IMMP2L: variants seen among roughly 807,000 people sequenced by gnomAD.
The protein encoded by IMMP2L is inner mitochondrial membrane peptidase subunit 2.
IMMP2L carries 18 observed loss-of-function variants against 19.3 expected under a neutral mutation model. That is an observed-to-expected ratio of 0.93 (90% CI 0.64 to 1.38). The LOEUF (loss-of-function observed/expected upper bound fraction) is 1.38. Ranked by LOEUF, IMMP2L falls within the 40% of genes most tolerant of loss-of-function variation. The pLI, the probability that IMMP2L is intolerant of heterozygous loss-of-function variation, is 0.00. For synonymous variants in IMMP2L, 76 were observed against 73.0 expected (o/e 1.04, Z -0.21); for missense variants, 233 against 218.2 (o/e 1.07, Z -0.43).
chr7:110,771,656 G>A (rs186869501), intron 5 of IMMP2L, among the ~76,000 whole-genome samples: 1 of 152,128 alleles, frequency 6.6e-6, no homozygotes, highest in Non-Finnish European at 1.5e-5. Context: ...CATATTAAAT[G>A]TTAACTAAAC....
chr7:111,308,156 GCTAAAAAGTAAATATAATGT>G (rs2130194896), intron 3 of IMMP2L, among the ~76,000 whole-genome samples: 2 of 151,932 alleles, frequency 1.3e-5, no homozygotes, highest in Non-Finnish European at 2.9e-5. Flanking sequence ...AAAATCCCAG[GCTAAAAAGTAAATATAATGT>G]CTACACTGGC....
At chr7:111,276,668 C>T (rs1257330842) in intron 3 of IMMP2L, among the ~76,000 whole-genome samples, 38 of 144,388 alleles carry the variant, frequency 2.6e-4, no homozygotes, top group African/African-American at 9.4e-4. Flanking sequence ...CCAAAGTAAT[C>T]CTAAGGGGAA....
intron 3 of IMMP2L, among the ~76,000 whole-genome samples, chr7:111,345,638 T>C (rs1174589506): frequency 6.6e-6 from 1 of 152,134 alleles, no homozygotes; most frequent in African/African-American, 2.4e-5. Flanking sequence ...AGTTGACTCA[T>C]AGAACATCAG....
rs1404178837 is a variant in IMMP2L, at chr7:111,539,200, A to AGGAAGGAAGGAAGGAAGGAAGG, written c.-2-17752_-2-17751insCCTTCCTTCCTTCCTTCCTTCC. Among the ~76,000 whole-genome samples the AGGAAGGAAGGAAGGAAGGAAGG allele has an allele frequency of 2.2e-4, 4 of 18,260 alleles. 1 individual carries two copies. The highest frequency in any genetic ancestry group is 1.9e-3 in the East Asian group (1 of 524). 12.0% of individuals were successfully genotyped at this position (18,260 alleles called of 152,430 possible). A position where few individuals can be genotyped will look rare whatever the true frequency, so the allele number is the denominator to read the frequency against. On this transcript the variant is annotated intron_variant, in intron 1 of 5. Transcript: ENST00000405709. ...GGAAGGAAGGAAGGAAGGAGGGAGAAAGAAAGAAAGAAAGAAAGAAAGAAA... is the reference window on the plus strand; with the variant it reads ...GGAAGGAAGGAAGGAAGGAGGGAGAAGGAAGGAAGGAAGGAAGGAAGGAGAAAGAAAGAAAGAAAGAAAGAAA...
At chr7:110,786,440 A>AAGCTGCTTAAGCAAGGGATAG (rs1800083641) in intron 5 of IMMP2L, among the ~76,000 whole-genome samples, 1 of 151,962 alleles carries the variant, frequency 6.6e-6, no homozygotes. Flanking sequence ...AGCTTGGGCT[A>AAGCTGCTTAAGCAAGGGATAG]CAGTTTTGTG....
intron 3 of IMMP2L, among the ~76,000 whole-genome samples, chr7:110,996,034 C>T (rs1359392345): frequency 6.6e-6 from 1 of 152,128 alleles, no homozygotes; most frequent in Non-Finnish European, 1.5e-5. Flanking sequence ...CCCAGCTTTA[C>T]CACTTTACCT....
intron 5 of IMMP2L, among the ~76,000 whole-genome samples, chr7:110,676,096 G>T (rs1792277626): frequency 6.6e-6 from 1 of 152,194 alleles, no homozygotes; most frequent in Non-Finnish European, 1.5e-5. Flanking sequence ...GCTAGTAAAT[G>T]ATAGAAGCAA....
At chr7:110,981,275 A>G (rs541796138) in intron 3 of IMMP2L, among the ~76,000 whole-genome samples, 1 of 152,202 alleles carries the variant, frequency 6.6e-6, no homozygotes, top group East Asian at 1.9e-4. Context: ...TAAAAAAAGA[A>G]AAAAAGAAAA....
At chr7:111,008,133 G>A (rs565371234) in intron 3 of IMMP2L, among the ~76,000 whole-genome samples, 42 of 151,736 alleles carry the variant, frequency 2.8e-4, no homozygotes, top group South Asian at 2.1e-4. Context: ...TTTATCTCTT[G>A]CCCCTCCCCA....
intron 3 of IMMP2L, among the ~76,000 whole-genome samples, chr7:111,258,517 A>ATT (rs1297656827): frequency 9.9e-5 from 15 of 151,874 alleles, no homozygotes; most frequent in Non-Finnish European, 7.4e-5. Flanking sequence ...TACTTTTTTT[A>ATT]TTTTTTTGAA....
intron 3 of IMMP2L, among the ~76,000 whole-genome samples, chr7:111,207,369 G>A (rs1810821647): frequency 6.6e-6 from 1 of 152,096 alleles, no homozygotes; most frequent in Non-Finnish European, 1.5e-5. Context: ...CTAGAATAAT[G>A]TAAGAGCTCA....
chr7:111,456,429 T>A (rs927038064), intron 3 of IMMP2L, among the ~76,000 whole-genome samples: 3 of 151,828 alleles, frequency 2.0e-5, no homozygotes, highest in Non-Finnish European at 4.4e-5. Context: ...ACTGCTGTTA[T>A]TATAATGACA....
intron 3 of IMMP2L, among the ~76,000 whole-genome samples, chr7:111,412,766 T>C (rs1333274143): frequency 6.6e-6 from 1 of 151,788 alleles, no homozygotes; most frequent in Admixed American, 6.6e-5. Flanking sequence ...TATTAATTTT[T>C]AAGGATTCCC....
At chr7:111,117,613 T>A (rs920312364) in intron 3 of IMMP2L, among the ~76,000 whole-genome samples, 1 of 152,112 alleles carries the variant, frequency 6.6e-6, no homozygotes, top group East Asian at 1.9e-4. Flanking sequence ...AACAGTCTTT[T>A]ACAAGGATGC....
At chr7:110,965,347 A>G (rs1486960412) in intron 3 of IMMP2L, among the ~76,000 whole-genome samples, 4 of 152,092 alleles carry the variant, frequency 2.6e-5, no homozygotes, top group African/African-American at 9.6e-5. Flanking sequence ...TGTACATTTC[A>G]TCAAAGGAAA....
intron 3 of IMMP2L, among the ~76,000 whole-genome samples, chr7:111,234,813 T>C (rs899976236): frequency 1.3e-5 from 2 of 152,108 alleles, no homozygotes; most frequent in Non-Finnish European, 1.5e-5. Flanking sequence ...ACATCATATA[T>C]AGTATAAGAA....
chr7:111,132,318 C>T (rs1425721753), intron 3 of IMMP2L, among the ~76,000 whole-genome samples: 1 of 151,920 alleles, frequency 6.6e-6, no homozygotes, highest in East Asian at 1.9e-4. Context: ...ATCTATAAAG[C>T]TCTTCTCTTT....
chr7:111,298,506 T>G (rs1301302166), intron 3 of IMMP2L, among the ~76,000 whole-genome samples: 1 of 151,994 alleles, frequency 6.6e-6, no homozygotes, highest in Non-Finnish European at 1.5e-5. Context: ...TCCCAGCACT[T>G]TGGGAGACTG....
rs1178789570 is a variant in IMMP2L, at chr7:111,152,967, A to G, written c.240-189402T>C. Among the ~76,000 whole-genome samples, 5 of 152,212 alleles carry G rather than the reference A, an allele frequency of 3.3e-5. No homozygotes were observed. In the South Asian group the frequency reaches 8.3e-4, roughly 25 times the overall value. On this transcript the variant is annotated intron_variant, in intron 3 of 5. Transcript: ENST00000405709. ...ATAGCTGGATAAATATCAAGACTCA[A>G]TGTAATATTTTTGTTGATTTTTCTG...
Sources: gnomAD v4.1 joint callset for allele counts (sites outside exome capture counted in the v4.1 genomes callset) on GRCh38, gnomAD v4.1.1 for gene constraint, MANE v1.5 for transcripts, NCBI Gene and HGNC (gene_info 2026-07-23, HGNC 2026-07-21) for gene names.